The following DNAH11 variants were observed in gnomAD, a reference collection of about 807,000 sequenced individuals.
DNAH11 encodes the protein axonemal beta dynein heavy chain 11.
In DNAH11, 442 loss-of-function variants were observed where a neutral mutation model predicts 526.0. That is an observed-to-expected ratio of 0.84 (90% confidence interval 0.78 to 0.91). DNAH11 has a LOEUF of 0.91. DNAH11 is among the 40% of genes least tolerant of loss of function. The probability of loss-of-function intolerance (pLI) is 0.00; values close to 1 mark genes in which losing one functional copy is unlikely to be tolerated. For synonymous variants in DNAH11, 2,461 were observed against 1,935.9 expected, an observed-to-expected ratio of 1.27 and a Z score of -7.12; for missense variants, 6,989 against 5,448.7, an observed-to-expected ratio of 1.28 and a Z score of -8.90.
intron 55 of DNAH11, among the ~76,000 whole-genome samples, chr7:21,771,771 G>A (rs904173953): frequency 3.3e-5 from 5 of 152,036 alleles, no homozygotes; most frequent in African/African-American, 1.2e-4. Context: ...GTCTCTCAAA[G>A]TGAAAAATAC....
intron 69 of DNAH11, 92 bp from the exon 70 acceptor site, chr7:21,864,443 A>G: frequency 3.1e-6 from 4 of 1,306,988 alleles, no homozygotes; most frequent in Non-Finnish European, 4.2e-6. Flanking sequence ...GGTTCTGCCT[A>G]CTCAGTCATG....
Position 21,661,684 on chromosome 7 carries a change from A to G in DNAH11, c.5328+2653A>G, listed in dbSNP as rs929672787. Among the ~76,000 whole-genome samples the G allele has an allele frequency of 2.6e-5, 4 of 152,230 alleles. No homozygotes were observed. The East Asian group carries it at 5.8e-4, about 22-fold the overall frequency. On this transcript the variant is annotated intron_variant, in intron 30 of 81. Transcript: ENST00000409508. ...TAAGTAGACTCAAATCTCAGCTTCT[A>G]CTATTCATTAGCTATGTGACTATGG...
intron 49 of DNAH11, among the ~76,000 whole-genome samples, chr7:21,744,125 T>A (rs1562521990): frequency 6.6e-6 from 1 of 152,232 alleles, no homozygotes; most frequent in East Asian, 1.9e-4. Flanking sequence ...CTGTTTGTAC[T>A]CTGGTTTTGT....
chr7:21,845,913 T>C (rs938382342), intron 66 of DNAH11, among the ~76,000 whole-genome samples: 16 of 152,178 alleles, frequency 1.1e-4, no homozygotes, highest in Non-Finnish European at 1.6e-4. Context: ...ATTTCTTTCA[T>C]CAGAGATTTT....
intron 12 of DNAH11, among the ~76,000 whole-genome samples, chr7:21,589,702 C>G (rs1241687552): frequency 1.3e-5 from 2 of 152,090 alleles, no homozygotes; most frequent in East Asian, 3.8e-4. Context: ...AGTTTAGTGT[C>G]TGGTACTTGG....
intron 65 of DNAH11, among the ~76,000 whole-genome samples, chr7:21,824,665 T>A (rs762122869): frequency 1.3e-5 from 2 of 152,322 alleles, no homozygotes; most frequent in Non-Finnish European, 2.9e-5. Flanking sequence ...AGGTGAAGAT[T>A]CTGAATGTTG....
intron 61 of DNAH11, among the ~76,000 whole-genome samples, chr7:21,800,932 A>G (rs1288298036): frequency 6.6e-6 from 1 of 152,156 alleles, no homozygotes; most frequent in Non-Finnish European, 1.5e-5. Flanking sequence ...CACATCGTGA[A>G]CTGTTAGTTC....
chr7:21,788,233 G>A (rs1031759748), intron 60 of DNAH11, among the ~76,000 whole-genome samples: 29 of 152,150 alleles, frequency 1.9e-4, no homozygotes, highest in African/African-American at 6.3e-4. Flanking sequence ...TGTCTTAGAG[G>A]GTTGTATGTT....
chr7:21,727,557 C>T (rs1260383062), intron 45 of DNAH11, among the ~76,000 whole-genome samples: 1 of 152,214 alleles, frequency 6.6e-6, no homozygotes, highest in East Asian at 1.9e-4. Context: ...TTCTGCATTT[C>T]CCTTAGATTC....
intron 2 of DNAH11, among the ~76,000 whole-genome samples, chr7:21,554,781 C>A (rs1164874352): frequency 6.6e-6 from 1 of 152,184 alleles, no homozygotes; most frequent in Non-Finnish European, 1.5e-5. Context: ...CAAAGCCAGT[C>A]TCTCCCTGTC....
intron 45 of DNAH11, among the ~76,000 whole-genome samples, chr7:21,731,589 A>T (rs572703638): frequency 6.6e-6 from 1 of 152,230 alleles, no homozygotes; most frequent in Non-Finnish European, 1.5e-5. Context: ...TTACAAATAA[A>T]AGTTCAAACA....
At chr7:21,548,313 AC>A (rs1211897598) in intron 2 of DNAH11, among the ~76,000 whole-genome samples, 1 of 152,092 alleles carries the variant, frequency 6.6e-6, no homozygotes, top group Non-Finnish European at 1.5e-5. Context: ...CTGGCTAGCC[AC>A]CCCTTTGAGG....
rs375917422 is a variant in DNAH11, at chr7:21,557,141, C to G, written c.496-1661C>G. Among the ~76,000 whole-genome samples, 34 of 152,240 alleles carry G rather than the reference C, an allele frequency of 2.2e-4. 2 individuals carry two copies. Among genetic ancestry groups the G allele is most frequent in the Admixed American group, 1.3e-3 (20 of 15,298 alleles). ...ATTTGCTTAAACCTAAACTCTTCAG[C>G]CTGTTTGCAGAGTTCTTCACAAACT... On this transcript the variant is annotated intron_variant, in intron 2 of 81. Coordinates refer to ENST00000409508, the MANE Select transcript of DNAH11 (RefSeq NM_001277115.2).
At chr7:21,588,947 A>G (rs1304760702) in intron 11 of DNAH11, among the ~76,000 whole-genome samples, 1 of 152,104 alleles carries the variant, frequency 6.6e-6, no homozygotes, top group Non-Finnish European at 1.5e-5. Context: ...TTTATAATGC[A>G]ATCTTTGTAC....
chr7:21,677,507 G>A (rs943780657), intron 30 of DNAH11, among the ~76,000 whole-genome samples: 3 of 151,978 alleles, frequency 2.0e-5, no homozygotes, highest in East Asian at 1.9e-4. Flanking sequence ...TCAGCCTCCC[G>A]TGTAGCTGGG....
At position 21,773,970 on chromosome 7, in the gene DNAH11, A is replaced by C; in HGVS notation, c.9307A>C (p.Ile3103Leu). The change falls in exon 56 of 82, where the codon ATC becomes CTC. Residue 3103 changes from isoleucine (I) to leucine (L), a missense_variant. By Grantham distance (5) the Ile-to-Leu change is conservative. Coordinates refer to ENST00000409508, the MANE Select transcript of DNAH11 (RefSeq NM_001277115.2). ...GAAAAAAGAACGCCTGGTGAACGGC[A>C]TCCAAAAGCTAAAAACCACAGCCTC... ...SEKKERLVNG[I>L]QKLKTTASQV... 5 of 1,573,662 alleles carry C rather than the reference A, an allele frequency of 3.2e-6. No homozygotes were observed. The highest frequency in any genetic ancestry group is 4.3e-6 in the Non-Finnish European group (5 of 1,160,190).
intron 74 of DNAH11, among the ~76,000 whole-genome samples, chr7:21,876,815 C>T (rs1583802351): frequency 6.6e-6 from 1 of 152,242 alleles, no homozygotes; most frequent in African/African-American, 2.4e-5. Flanking sequence ...TACAAGTTAA[C>T]AAACAGAAAT....
chr7:21,757,541 T>C (rs780698738), intron 54 of DNAH11, among the ~76,000 whole-genome samples: 1 of 152,220 alleles, frequency 6.6e-6, no homozygotes, highest in Non-Finnish European at 1.5e-5. Flanking sequence ...GGTTCTTATA[T>C]TAAATCAACT....
intron 54 of DNAH11, among the ~76,000 whole-genome samples, chr7:21,752,420 A>AT (rs1488626987): frequency 6.6e-6 from 1 of 152,208 alleles, no homozygotes; most frequent in African/African-American, 2.4e-5. Flanking sequence ...ACTAAGGCTG[A>AT]GTCATAAAGG....
Sources: gnomAD v4.1 joint callset for allele counts (sites outside exome capture counted in the v4.1 genomes callset) on GRCh38, gnomAD v4.1.1 for gene constraint, MANE v1.5 for transcripts, NCBI Gene and HGNC (gene_info 2026-07-23, HGNC 2026-07-21) for gene names.